The following NCALD variants were observed in gnomAD, a reference collection of about 807,000 sequenced individuals.
The protein encoded by NCALD is neurocalcin delta.
In NCALD, 10 loss-of-function variants were observed where a neutral mutation model predicts 18.6. That is an observed-to-expected ratio of 0.54 (90% CI 0.33 to 0.91). The LOEUF (loss-of-function observed/expected upper bound fraction) is 0.91. NCALD is among the 40% of genes least tolerant of loss of function. The pLI is 0.03. For synonymous variants in NCALD, 88 were observed against 87.4 expected, an observed-to-expected ratio of 1.01 and a Z score of -0.04; for missense variants, 184 against 247.6, an observed-to-expected ratio of 0.74 and a Z score of 1.72.
intron 1 of NCALD, among the ~76,000 whole-genome samples, chr8:101,725,177 A>G (rs1251353018): frequency 6.6e-6 from 1 of 152,156 alleles, no homozygotes. Flanking sequence ...TCCCACCCAA[A>G]TGTTACATTT....
At chr8:101,745,598 C>A (rs926886150) in intron 1 of NCALD, among the ~76,000 whole-genome samples, 1 of 152,182 alleles carries the variant, frequency 6.6e-6, no homozygotes. Context: ...AGTGATGTCA[C>A]AATGCAGTGA....
chr8:102,110,734 T>C (rs1825616184), intron 1 of NCALD, among the ~76,000 whole-genome samples: 1 of 152,200 alleles, frequency 6.6e-6, no homozygotes, highest in East Asian at 1.9e-4. Flanking sequence ...CTTCAATCTA[T>C]TAAATTCACT....
intron 1 of NCALD, among the ~76,000 whole-genome samples, chr8:101,770,858 A>C (rs1811558517): frequency 6.6e-6 from 1 of 152,226 alleles, no homozygotes; most frequent in Non-Finnish European, 1.5e-5. Flanking sequence ...TTTTTAAAAA[A>C]TAGATAAAAT....
intron 4 of NCALD, among the ~76,000 whole-genome samples, chr8:101,881,628 T>C (rs1458798270): frequency 1.3e-5 from 2 of 152,198 alleles, no homozygotes; most frequent in African/African-American, 4.8e-5. Flanking sequence ...GGAGTCTTTG[T>C]GGCATTAAGA....
chr8:101,963,090 C>A (rs1203329396), intron 2 of NCALD, among the ~76,000 whole-genome samples: 1 of 152,136 alleles, frequency 6.6e-6, no homozygotes, highest in East Asian at 1.9e-4. Flanking sequence ...AGCTGGCATA[C>A]AAAATTCCTG....
chr8:101,799,368 G>T (rs969007255), intron 4 of NCALD, among the ~76,000 whole-genome samples: 12 of 152,142 alleles, frequency 7.9e-5, no homozygotes, highest in Admixed American at 6.5e-4. Flanking sequence ...AAAACAATTT[G>T]CCAGTTGCTT....
chr8:101,944,191 A>G lies in NCALD; in HGVS notation c.-156-28333T>C, dbSNP rs75307357. On this transcript the variant is annotated intron_variant, in intron 2 of 6. Transcript: ENST00000311028. ...GTTTCCTCTGAGGAGTTCGTCTCCTATCACCCTTTTTGAGAGAGTCTTTGT... is the reference window on the plus strand; with the variant it reads ...GTTTCCTCTGAGGAGTTCGTCTCCTGTCACCCTTTTTGAGAGAGTCTTTGT... Among the ~76,000 whole-genome samples the G allele has an allele frequency of 4.5e-3, 682 of 152,252 alleles. 2 individuals are homozygous for G. Among genetic ancestry groups the G allele is most frequent in the Non-Finnish European group, 7.3e-3 (498 of 68,004 alleles).
intron 3 of NCALD, among the ~76,000 whole-genome samples, chr8:101,908,061 T>C (rs774666468): frequency 1.9e-4 from 29 of 152,260 alleles, no homozygotes; most frequent in Non-Finnish European, 4.0e-4. Context: ...GAGATCAATC[T>C]TGTAAACAGC....
At position 102,030,520 on chromosome 8, in the gene NCALD, G is replaced by A. The variant is rs114716498; in HGVS notation, c.-209-10231C>T. 8.8e-3 allele frequency among the ~76,000 whole-genome samples: 1,334 copies of A among 152,296 alleles called. 20 individuals are homozygous for A. The highest frequency in any genetic ancestry group is 0.029 in the African/African-American group (1,216 of 41,556). ...CAGAACCAACTTATTATTTTGAAACGTGGTCGATAAAAAGAATCAAATATT... is the reference window on the plus strand; with the variant it reads ...CAGAACCAACTTATTATTTTGAAACATGGTCGATAAAAAGAATCAAATATT... On this transcript the variant is annotated intron_variant, in intron 1 of 6. Transcript: ENST00000311028.
At chr8:101,839,735 T>C (rs1380659408) in intron 4 of NCALD, among the ~76,000 whole-genome samples, 1 of 152,132 alleles carries the variant, frequency 6.6e-6, no homozygotes, top group Non-Finnish European at 1.5e-5. Flanking sequence ...GTCTTTAGAA[T>C]AAATCAAGCC....
At chr8:101,967,905 C>T (rs188018764) in intron 2 of NCALD, among the ~76,000 whole-genome samples, 301 of 152,052 alleles carry the variant, frequency 2.0e-3, no homozygotes, top group Non-Finnish European at 3.3e-3. Context: ...AGATGCTCTG[C>T]CAAGGCACGT....
intron 1 of NCALD, among the ~76,000 whole-genome samples, chr8:102,105,647 C>T (rs1825420028): frequency 6.6e-6 from 1 of 152,152 alleles, no homozygotes; most frequent in African/African-American, 2.4e-5. Flanking sequence ...GACCACATGA[C>T]CTCTGAGAAA....
At chr8:101,881,444 C>T (rs1816491701) in intron 4 of NCALD, among the ~76,000 whole-genome samples, 1 of 152,162 alleles carries the variant, frequency 6.6e-6, no homozygotes. Context: ...ATAAATTACA[C>T]TAAAATGTCA....
chr8:101,742,473 A>C (rs1420226156), intron 1 of NCALD, among the ~76,000 whole-genome samples: 1 of 152,198 alleles, frequency 6.6e-6, no homozygotes, highest in Non-Finnish European at 1.5e-5. Context: ...TTCCATTATA[A>C]GAAAATTATG....
At chr8:102,089,287 G>T (rs1824845472) in intron 1 of NCALD, among the ~76,000 whole-genome samples, 1 of 152,026 alleles carries the variant, frequency 6.6e-6, no homozygotes. Flanking sequence ...CTAGCTACTT[G>T]GGAGTCTGAG....
chr8:102,114,234 G>A (rs1366957876), intron 1 of NCALD, among the ~76,000 whole-genome samples: 4 of 152,224 alleles, frequency 2.6e-5, no homozygotes, highest in African/African-American at 9.6e-5. Flanking sequence ...TGGAGGTACT[G>A]CCTTCTGATC....
rs917150338 is a variant in NCALD, at chr8:101,963,650, T to C, written c.-156-47792A>G. Among the ~76,000 whole-genome samples the C allele has an allele frequency of 2.6e-5, 4 of 152,318 alleles. No individual in the cohort carries two copies. In the East Asian group the frequency reaches 7.7e-4, roughly 29 times the overall value. The stretch of plus-strand genomic sequence containing the variant: ...CTCTTCTTATGAGCTTTCTGTTATA[T>C]GAGCCAATAAATATCCAATTTTTAT... On this transcript the variant is annotated intron_variant, in intron 2 of 6. Coordinates refer to the NCALD transcript ENST00000311028.
intron 2 of NCALD, among the ~76,000 whole-genome samples, chr8:101,994,964 A>T (rs1444714806): frequency 6.6e-6 from 1 of 152,238 alleles, no homozygotes; most frequent in African/African-American, 2.4e-5. Context: ...GCTGAGGATC[A>T]AACAATGTAT....
At chr8:101,818,194 C>T (rs924763296) in intron 4 of NCALD, among the ~76,000 whole-genome samples, 1 of 152,094 alleles carries the variant, frequency 6.6e-6, no homozygotes, top group Non-Finnish European at 1.5e-5. Context: ...ATGCACAGGA[C>T]CTTTTCTCCA....
Sources: allele counts gnomAD v4.1 joint callset (sites outside exome capture counted in the v4.1 genomes callset), GRCh38; gene constraint gnomAD v4.1.1; transcripts MANE v1.5; gene names NCBI Gene and HGNC (gene_info 2026-07-23, HGNC 2026-07-21).